The following PXDNL variants were observed in gnomAD, a reference collection of about 807,000 sequenced individuals.
PXDNL encodes probable oxidoreductase PXDNL.
PXDNL carries 145 observed loss-of-function variants against 150.8 expected under a neutral mutation model. The observed-to-expected ratio is 0.96, with a 90% CI of 0.84 to 1.10. The LOEUF is 1.10. PXDNL is among the 50% of genes least tolerant of loss of function. PXDNL has a pLI of 0.00. For synonymous variants in PXDNL, 757 were observed against 725.7 expected, an observed-to-expected ratio of 1.04 and a Z score of -0.69; for missense variants, 2,087 against 1,873.9, an observed-to-expected ratio of 1.11 and a Z score of -2.10.
intron 2 of PXDNL, among the ~76,000 whole-genome samples, chr8:51,598,901 A>AAG (rs141123085): frequency 0.2 from 30,138 of 151,850 alleles, 3,284 homozygotes; most frequent in Admixed American, 0.28. Flanking sequence ...TTTATTACTG[A>AAG]TTCAATTTTG....
chr8:51,361,937 CAAAAAAAAAAAA>C (rs57092440), intron 19 of PXDNL, among the ~76,000 whole-genome samples: 1,181 of 58,160 alleles, frequency 0.02, 20 homozygotes, highest in African/African-American at 0.071. Flanking sequence ...GATTCCATCT[CAAAAAAAAAAAA>C]AAAAAAAAAA....
intron 3 of PXDNL, among the ~76,000 whole-genome samples, chr8:51,578,051 A>G (rs1363014950): frequency 7.2e-6 from 1 of 139,226 alleles, no homozygotes; most frequent in Non-Finnish European, 1.6e-5. Context: ...GGAAGGAAGG[A>G]AAGAAAGAAA....
intron 5 of PXDNL, among the ~76,000 whole-genome samples, chr8:51,487,120 G>T (rs1383920696): frequency 6.6e-6 from 1 of 151,888 alleles, no homozygotes; most frequent in Non-Finnish European, 1.5e-5. Flanking sequence ...ATTTGCTGCT[G>T]CTGTCTTCTG....
intron 2 of PXDNL, among the ~76,000 whole-genome samples, chr8:51,636,927 CT>C (rs1269004572): frequency 8.1e-6 from 1 of 124,144 alleles, no homozygotes; most frequent in African/African-American, 4.5e-5. Flanking sequence ...AGTAGCCTAA[CT>C]GGGAGGTAAC....
intron 17 of PXDNL, among the ~76,000 whole-genome samples, chr8:51,375,912 G>A (rs1174771326): frequency 1.3e-5 from 2 of 152,194 alleles, no homozygotes; most frequent in East Asian, 1.9e-4. Context: ...AACAGACATA[G>A]TTGTGTTCCA....
At chr8:51,681,100 A>G (rs1391035178) in intron 1 of PXDNL, among the ~76,000 whole-genome samples, 2 of 152,074 alleles carry the variant, frequency 1.3e-5, no homozygotes, top group Non-Finnish European at 2.9e-5. Context: ...GGACTGGTGC[A>G]CCTTTTTCAG....
intron 4 of PXDNL, among the ~76,000 whole-genome samples, chr8:51,551,594 CAA>C (rs1473826954): frequency 6.6e-6 from 1 of 152,026 alleles, no homozygotes. Flanking sequence ...CCCTATTTAA[CAA>C]ATGGTGTTGG....
intron 1 of PXDNL, among the ~76,000 whole-genome samples, chr8:51,730,979 T>C (rs886741818): frequency 6.6e-6 from 1 of 152,210 alleles, no homozygotes; most frequent in African/African-American, 2.4e-5. Context: ...CAATTCAAGA[T>C]GAGATTTAGG....
chr8:51,566,904 T>G (rs1207947140), intron 3 of PXDNL, among the ~76,000 whole-genome samples: 1 of 151,640 alleles, frequency 6.6e-6, no homozygotes, highest in Non-Finnish European at 1.5e-5. Context: ...ATCTTTTTTC[T>G]TTTCTAATAT....
At chr8:51,321,167 A>T (rs2130597214) in intron 21 of PXDNL, 1 of 306,812 alleles carries the variant, frequency 3.3e-6, no homozygotes, top group Non-Finnish European at 5.9e-6. Context: ...AAGGAAGGGG[A>T]ATTAAAATCA....
chr8:51,712,493 T>C (rs1406749172), intron 1 of PXDNL, among the ~76,000 whole-genome samples: 1 of 152,232 alleles, frequency 6.6e-6, no homozygotes, highest in African/African-American at 2.4e-5. Context: ...ATGAGGGCAG[T>C]AGGTTTTCTC....
chr8:51,639,209 G>C (rs910636309), intron 2 of PXDNL, among the ~76,000 whole-genome samples: 1 of 152,204 alleles, frequency 6.6e-6, no homozygotes, highest in Admixed American at 6.5e-5. Flanking sequence ...GCAGTGTGTA[G>C]AGGGAAATTT....
chr8:51,320,635 A>G (rs1805286918), intron 22 of PXDNL, 149 bp downstream of exon 22: 5 of 605,544 alleles, frequency 8.3e-6, no homozygotes, highest in Non-Finnish European at 1.4e-5. Context: ...AAGCCTCAAA[A>G]TTTCACACCA....
At chr8:51,620,076 A>G (rs1269726721) in intron 2 of PXDNL, among the ~76,000 whole-genome samples, 1 of 152,198 alleles carries the variant, frequency 6.6e-6, no homozygotes, top group South Asian at 2.1e-4. Context: ...GAAAGGCAAC[A>G]CACCATTTTG....
At chr8:51,798,213 C>A (rs1299413410) in intron 1 of PXDNL, among the ~76,000 whole-genome samples, 1 of 152,124 alleles carries the variant, frequency 6.6e-6, no homozygotes, top group Non-Finnish European at 1.5e-5. Context: ...AAATGTAAAA[C>A]CCAGAACCAT....
At chr8:51,403,909 G>T (rs1050925366) in intron 17 of PXDNL, among the ~76,000 whole-genome samples, 1 of 152,178 alleles carries the variant, frequency 6.6e-6, no homozygotes, top group South Asian at 2.1e-4. Flanking sequence ...TGGTGTGTCC[G>T]GAGTTTGTTC....
At chr8:51,572,778 T>A (rs1812974929) in intron 3 of PXDNL, among the ~76,000 whole-genome samples, 1 of 151,936 alleles carries the variant, frequency 6.6e-6, no homozygotes, top group Admixed American at 6.6e-5. Flanking sequence ...GCTGTGATTA[T>A]TAACTAGTTC....
At chr8:51,627,421 T>C (rs1329024559) in intron 2 of PXDNL, among the ~76,000 whole-genome samples, 3 of 152,222 alleles carry the variant, frequency 2.0e-5, no homozygotes, top group African/African-American at 4.8e-5. Flanking sequence ...ATTATGTCTA[T>C]GTGGTTAAGG....
At chr8:51,452,193 A>G (rs1054766342) in intron 10 of PXDNL, among the ~76,000 whole-genome samples, 3 of 152,250 alleles carry the variant, frequency 2.0e-5, no homozygotes, top group Non-Finnish European at 4.4e-5. Context: ...AAAAACAGAC[A>G]TTGAACACAA....
Sources: gnomAD v4.1 joint callset for allele counts (sites outside exome capture counted in the v4.1 genomes callset) on GRCh38, gnomAD v4.1.1 for gene constraint, MANE v1.5 for transcripts, NCBI Gene and HGNC (gene_info 2026-07-23, HGNC 2026-07-21) for gene names.